CTNND2: variants seen among roughly 807,000 people sequenced by gnomAD.
CTNND2 encodes catenin delta 2.
CTNND2 carries 22 observed loss-of-function variants against 144.4 expected under a neutral mutation model. The ratio of observed to expected loss-of-function variants is 0.15; its 90% CI spans 0.11 to 0.22. CTNND2 has a LOEUF of 0.22. Among genes scored for constraint, CTNND2 ranks in the 10% least tolerant of loss-of-function variants. CTNND2 has a pLI of 1.00. For missense variants in CTNND2, 1,353 were observed against 1,618.8 expected, an observed-to-expected ratio of 0.84 and a Z score of 2.82; for synonymous variants, 751 against 695.6, an observed-to-expected ratio of 1.08 and a Z score of -1.25.
At chr5:11,588,389 C>T (rs1046594189) in intron 2 of CTNND2, among the ~76,000 whole-genome samples, 7 of 151,652 alleles carry the variant, frequency 4.6e-5, no homozygotes, top group Non-Finnish European at 1.5e-5. Flanking sequence ...TGATTACTTA[C>T]ATGGATAATC....
At chr5:11,346,999 G>C (rs1205645671) in intron 8 of CTNND2, among the ~76,000 whole-genome samples, 1 of 152,170 alleles carries the variant, frequency 6.6e-6, no homozygotes, top group African/African-American at 2.4e-5. Context: ...AGAAGATTCA[G>C]AATGTGTTCC....
chr5:11,270,261 C>T (rs1242141671), intron 9 of CTNND2, among the ~76,000 whole-genome samples: 1 of 152,016 alleles, frequency 6.6e-6, no homozygotes, highest in African/African-American at 2.4e-5. Context: ...ACGTAACACA[C>T]ACACACATAT....
At chr5:11,085,447 C>A (rs1462518772) in intron 15 of CTNND2, among the ~76,000 whole-genome samples, 1 of 152,128 alleles carries the variant, frequency 6.6e-6, no homozygotes, top group Non-Finnish European at 1.5e-5. Flanking sequence ...TACAAGAAGT[C>A]ATGTCTAATT....
chr5:11,077,811 TA>T (rs1051928520), intron 16 of CTNND2, among the ~76,000 whole-genome samples: 2 of 152,122 alleles, frequency 1.3e-5, no homozygotes, highest in Admixed American at 1.3e-4. Flanking sequence ...AGAGAAGTGT[TA>T]AAGTCTGCGA....
At chr5:11,607,769 A>G (rs76906919) in intron 2 of CTNND2, among the ~76,000 whole-genome samples, 3,727 of 152,306 alleles carry the variant, frequency 0.024, 146 homozygotes, top group African/African-American at 0.085. Context: ...AAAGAAACTC[A>G]AAACTTGGGC....
chr5:11,317,680 T>C (rs1751649217), intron 9 of CTNND2, among the ~76,000 whole-genome samples: 1 of 152,104 alleles, frequency 6.6e-6, no homozygotes, highest in Non-Finnish European at 1.5e-5. Context: ...TTTCTTTAAT[T>C]CAAATACTAT....
intron 16 of CTNND2, among the ~76,000 whole-genome samples, chr5:11,052,543 G>C (rs1580149140): frequency 6.6e-6 from 1 of 152,250 alleles, no homozygotes; most frequent in East Asian, 1.9e-4. Context: ...AAGACATACT[G>C]AATTCCTGTT....
At chr5:11,828,168 G>A (rs144753990) in intron 1 of CTNND2, among the ~76,000 whole-genome samples, 3,459 of 152,200 alleles carry the variant, frequency 0.023, 52 homozygotes, top group Middle Eastern at 0.037. Context: ...TAAACCATGC[G>A]GGCAGATCTT....
intron 11 of CTNND2, among the ~76,000 whole-genome samples, chr5:11,178,954 C>T (rs1022392546): frequency 6.6e-6 from 1 of 152,126 alleles, no homozygotes; most frequent in Non-Finnish European, 1.5e-5. Flanking sequence ...TAAAATTACC[C>T]CACTGAGATG....
intron 2 of CTNND2, among the ~76,000 whole-genome samples, chr5:11,681,662 A>G (rs1415497279): frequency 6.6e-6 from 1 of 152,256 alleles, no homozygotes; most frequent in African/African-American, 2.4e-5. Flanking sequence ...TTATAATGGC[A>G]CAATAATCTT....
At chr5:11,362,649 A>G (rs1756583498) in intron 8 of CTNND2, among the ~76,000 whole-genome samples, 1 of 152,226 alleles carries the variant, frequency 6.6e-6, no homozygotes, top group African/African-American at 2.4e-5. Flanking sequence ...GGTCTTGGAC[A>G]TCTGAATGTC....
At chr5:11,301,700 G>C (rs766323232) in intron 9 of CTNND2, among the ~76,000 whole-genome samples, 1 of 152,144 alleles carries the variant, frequency 6.6e-6, no homozygotes, top group Non-Finnish European at 1.5e-5. Context: ...GACAGGGAAT[G>C]GGTGAAAACA....
intron 2 of CTNND2, among the ~76,000 whole-genome samples, chr5:11,600,950 T>A (rs1779761188): frequency 6.6e-6 from 1 of 152,042 alleles, no homozygotes; most frequent in South Asian, 2.1e-4. Context: ...GGTAAAGAGC[T>A]AAACTAAATG....
At chr5:11,719,250 C>G (rs1473694337) in intron 2 of CTNND2, among the ~76,000 whole-genome samples, 1 of 152,180 alleles carries the variant, frequency 6.6e-6, no homozygotes, top group Non-Finnish European at 1.5e-5. Context: ...ACTTATGAAT[C>G]AGTCCTTAAA....
intron 3 of CTNND2, among the ~76,000 whole-genome samples, chr5:11,486,593 GAA>G (rs774830230): frequency 6.6e-5 from 10 of 152,094 alleles, no homozygotes; most frequent in Non-Finnish European, 1.2e-4. Context: ...AGAGACAGGG[GAA>G]GGAGGGAATC....
At chr5:11,372,597 A>G (rs1581041227) in intron 7 of CTNND2, among the ~76,000 whole-genome samples, 1 of 152,166 alleles carries the variant, frequency 6.6e-6, no homozygotes, top group South Asian at 2.1e-4. Context: ...TGAAGTACAC[A>G]GGGATGGTTT....
At chr5:11,105,952 G>A (rs185509965) in intron 14 of CTNND2, among the ~76,000 whole-genome samples, 26 of 152,218 alleles carry the variant, frequency 1.7e-4, no homozygotes, top group African/African-American at 5.3e-4. Context: ...GATATTAAGC[G>A]GCAAAAGAAA....
intron 1 of CTNND2, among the ~76,000 whole-genome samples, chr5:11,804,265 G>A (rs1791875839): frequency 6.6e-6 from 1 of 152,102 alleles, no homozygotes; most frequent in East Asian, 1.9e-4. Flanking sequence ...ATGCAAAATG[G>A]TATAGCCATT....
At chr5:11,678,789 AG>A (rs536337130) in intron 2 of CTNND2, among the ~76,000 whole-genome samples, 262 of 152,270 alleles carry the variant, frequency 1.7e-3, no homozygotes, top group African/African-American at 5.8e-3. Context: ...TAAGGAAAAA[AG>A]TAAAATGTTC....
Sources: allele counts gnomAD v4.1 joint callset (sites outside exome capture counted in the v4.1 genomes callset), GRCh38; gene constraint gnomAD v4.1.1; transcripts MANE v1.5; gene names NCBI Gene and HGNC (gene_info 2026-07-23, HGNC 2026-07-21).